MPI: variants seen among roughly 807,000 people sequenced by gnomAD.
MPI encodes the protein mannose-6-phosphate isomerase.
Under a neutral mutation model 40.1 loss-of-function variants are expected in MPI, and 33 were observed. The ratio of observed to expected loss-of-function variants is 0.82; its 90% CI spans 0.62 to 1.10. MPI has a LOEUF of 1.10. Among genes scored for constraint, MPI ranks in the 50% least tolerant of loss-of-function variants. The pLI is 0.00. For synonymous variants in MPI, 187 were observed against 207.4 expected (o/e 0.90, Z 0.85); for missense variants, 514 against 524.1 (o/e 0.98, Z 0.19).
intron 7 of MPI, 69 bp from the exon 8 acceptor site, chr15:74,897,443 T>C: frequency 6.6e-7 from 1 of 1,514,844 alleles, no homozygotes; most frequent in Non-Finnish European, 9.1e-7. Context: ...CCCTGGGGAC[T>C]GTCCTGGGCC....
intron 5 of MPI, among the ~76,000 whole-genome samples, chr15:74,894,304 G>A (rs1434145323): frequency 6.6e-6 from 1 of 151,608 alleles, no homozygotes; most frequent in South Asian, 2.1e-4. Context: ...GGCGGGTCTC[G>A]AACTCCTGAG....
rs2064981105 is a variant in MPI, at chr15:74,902,050, T to C, written c.*4320T>C. The C allele has an allele frequency of 5.0e-6, 2 of 398,576 alleles. No individual in the cohort carries two copies. The highest frequency in any genetic ancestry group is 8.8e-6 in the Non-Finnish European group (2 of 226,020). 24.7% of individuals were successfully genotyped at this position (398,576 alleles called of 1,614,324 possible). A position where few individuals can be genotyped will look rare whatever the true frequency, so the allele number is the denominator to read the frequency against. Reference sequence around the variant, plus strand: ...AACCTGCTATGATCCCTGTCATAGTTAGACAGGTGCAACCTGAAGAGGGAC... The same window carrying C: ...AACCTGCTATGATCCCTGTCATAGTCAGACAGGTGCAACCTGAAGAGGGAC... On this transcript the variant is annotated 3_prime_UTR_variant, in exon 8 of 8. Coordinates refer to ENST00000352410, the MANE Select transcript of MPI (RefSeq NM_002435.3).
rs1295540214 is a variant in MPI, at chr15:74,900,662, A to G, written c.*2932A>G. The G allele has an allele frequency of 6.6e-6, 1 of 152,174 alleles. No individual in the cohort carries two copies. The highest frequency in any genetic ancestry group is 2.4e-5 in the African/African-American group (1 of 41,406). 9.4% of individuals were successfully genotyped at this position (152,174 alleles called of 1,614,324 possible). The stretch of plus-strand genomic sequence containing the variant: ...GATGGGGAAGGGGTTCTGGATGGAG[A>G]TGTTCTTGAGCTCTACAAGCATTTG... On this transcript the variant is annotated 3_prime_UTR_variant, in exon 8 of 8. Transcript: ENST00000352410.
Position 74,893,336 on chromosome 15 carries a change from T to C in MPI, c.670+16T>C, listed in dbSNP as rs1369062950. ...TCCCAGCAAGGTGGACACAGTTATA[T>C]TCCTGGTTGGGTGCAATGCTCTGGC... On this transcript the variant is annotated intron_variant, in intron 5 of 7. Coordinates refer to ENST00000352410, the MANE Select transcript of MPI (RefSeq NM_002435.3). The C allele has an allele frequency of 1.9e-6, 3 of 1,613,910 alleles. No homozygotes were observed. The highest frequency in any genetic ancestry group is 1.7e-6 in the Non-Finnish European group (2 of 1,179,858).
chr15:74,892,058 G>A (rs933347179), intron 3 of MPI, among the ~76,000 whole-genome samples: 39 of 151,560 alleles, frequency 2.6e-4, no homozygotes, highest in African/African-American at 8.3e-4. Flanking sequence ...GCAGTGGCGC[G>A]ATCTCGGCTC....
intron 1 of MPI, 129 bp from the exon 2 acceptor site, chr15:74,890,398 T>C: frequency 7.9e-7 from 1 of 1,259,014 alleles, no homozygotes; most frequent in Non-Finnish European, 1.1e-6. Context: ...GGGGGTCTCA[T>C]CCAACAGCCT....
In MPI at chr15:74,902,070, A is replaced by C; in HGVS notation, c.*4340A>C. The stretch of plus-strand genomic sequence containing the variant: ...ATAGTTAGACAGGTGCAACCTGAAG[A>C]GGGACAAAAGGACTCACTTTATGCT... On this transcript the variant is annotated 3_prime_UTR_variant, in exon 8 of 8. Coordinates refer to ENST00000352410, the MANE Select transcript of MPI (RefSeq NM_002435.3). 2.5e-6 allele frequency: 1 copy of C among 398,654 alleles called. No individual in the cohort carries two copies. The highest frequency in any genetic ancestry group is 4.4e-6 in the Non-Finnish European group (1 of 226,062). The allele number at this position is 398,654 out of a possible 1,614,324, so 24.7% of individuals were successfully genotyped here. A position where few individuals can be genotyped will look rare whatever the true frequency, so the allele number is the denominator to read the frequency against.
chr15:74,891,317 C>T, intron 2 of MPI, 62 bp from the exon 3 acceptor site: 2 of 1,513,386 alleles, frequency 1.3e-6, no homozygotes, highest in Non-Finnish European at 1.8e-6. Context: ...CGGATTGGGA[C>T]AGGCCAACTC....
At chr15:74,896,816 C>T (rs904351351) in intron 6 of MPI, 195 bp from the exon 7 acceptor site, 23 of 668,766 alleles carry the variant, frequency 3.4e-5, no homozygotes, top group Non-Finnish European at 5.4e-5. Context: ...TAACATGACT[C>T]CCCTCTGACA....
chr15:74,894,071 T>TTTTCTGAGCCAGG (rs1567267125), intron 5 of MPI, among the ~76,000 whole-genome samples: 2 of 61,598 alleles, frequency 3.2e-5, no homozygotes, highest in African/African-American at 1.1e-4. Context: ...TGTGTGTGTG[T>TTTTCTGAGCCAGG]GTGTGTGTGT....
chr15:74,895,591 A>AG (rs1214572188), intron 5 of MPI: 7 of 49,034 alleles, frequency 1.4e-4, no homozygotes, highest in Non-Finnish European at 5.7e-4. Flanking sequence ...ACCCCGTCTC[A>AG]AAAAAAAAAA....
intron 3 of MPI, 89 bp downstream of exon 3, chr15:74,891,668 C>T: frequency 7.0e-7 from 1 of 1,438,652 alleles, no homozygotes. Flanking sequence ...TTTTACCCCA[C>T]CCATGCCAGG....
In MPI at chr15:74,897,729, A is replaced by G. The variant is rs896962413; in HGVS notation, c.1271A>G (p.Ter424=). 5 of 1,613,436 alleles carry G rather than the reference A, an allele frequency of 3.1e-6. No homozygotes were observed. The African/African-American group carries it at 5.3e-5, about 17-fold the overall frequency. The change falls in exon 8 of 8, where the codon TAA becomes TGA. Residue 424 remains the stop codon, a stop_retained_variant. Transcript: ENST00000352410. ...LLIFRACCLL[*] The stretch of plus-strand genomic sequence containing the variant: ...ATATTCCGTGCCTGCTGTCTGCTGT[A>G]AAGGCTGCAGCCTCCCCAGCTCTCC...
chr15:74,893,047 G>A, intron 4 of MPI, 91 bp from the exon 5 acceptor site: 2 of 1,539,770 alleles, frequency 1.3e-6, no homozygotes, highest in Non-Finnish European at 1.8e-6. Context: ...TTTGGTTAGG[G>A]CTGGGATGGA....
Position 74,892,781 on chromosome 15 carries a change from G to C in MPI, c.466G>C (p.Glu156Gln). The C allele has an allele frequency of 1.2e-6, 2 of 1,614,280 alleles. No homozygotes were observed. The highest frequency in any genetic ancestry group is 1.7e-6 in the Non-Finnish European group (2 of 1,180,050). ...CTTGTGTGGCTTCCGGCCAGTTGAG[G>C]AGATTGTAACCTTTCTAAAGAGTAA... ...QGLCGFRPVE[E>Q]IVTFLKKVPE... Residue 156 changes from glutamate (E) to glutamine (Q), a missense_variant, in exon 4 of 8, where the codon GAG becomes CAG. Coordinates refer to ENST00000352410, the MANE Select transcript of MPI (RefSeq NM_002435.3).
In MPI at chr15:74,893,267, A is replaced by C; in HGVS notation, c.617A>C (p.Lys206Thr). The C allele has an allele frequency of 6.2e-7, 1 of 1,614,216 alleles. No homozygotes were observed. The change falls in exon 5 of 8, where the codon AAG (lysine) becomes ACG (threonine). Residue 206 changes from lysine to threonine, a missense_variant. Lys to Thr is a moderately conservative substitution (Grantham distance 78). Coordinates refer to ENST00000352410, the MANE Select transcript of MPI (RefSeq NM_002435.3). The stretch of plus-strand genomic sequence containing the variant: ...TTCTCCCACCTGATGAAGAGTGAGA[A>C]GAAGGTGGTGGTGGAACAGCTCAAC... ...SCFSHLMKSE[K>T]KVVVEQLNLL...
rs1441014433 is a variant in MPI, at chr15:74,902,176, GTTTCTTT to G, written c.*4450_*4456del. 3 of 398,620 alleles carry G rather than the reference GTTTCTTT, an allele frequency of 7.5e-6. No homozygotes were observed. Among genetic ancestry groups the G allele is most frequent in the Non-Finnish European group, 1.3e-5 (3 of 226,112 alleles). 24.7% of individuals were successfully genotyped at this position (398,620 alleles called of 1,614,324 possible). Reference sequence around the variant, plus strand: ...GAATTTCTCGAACTGGTCTCAAACAGTTTCTTTTTTGGATTGCCAGCTATAATAAACC... The same window carrying G: ...GAATTTCTCGAACTGGTCTCAAACAGTTTGGATTGCCAGCTATAATAAACC... On this transcript the variant is annotated 3_prime_UTR_variant, in exon 8 of 8. Transcript: ENST00000352410.
intron 3 of MPI, among the ~76,000 whole-genome samples, chr15:74,892,371 CAG>C (rs1209144288): frequency 6.6e-6 from 1 of 152,252 alleles, no homozygotes; most frequent in Admixed American, 6.5e-5. Flanking sequence ...TTGTTAGTGT[CAG>C]AGCTTGGTCT....
chr15:74,899,338 C>G lies in MPI; in HGVS notation c.*1608C>G, dbSNP rs1595826933. 1.3e-5 allele frequency: 2 copies of G among 152,214 alleles called. No homozygotes were observed. The highest frequency in any genetic ancestry group is 4.8e-5 in the African/African-American group (2 of 41,464). 9.4% of individuals were successfully genotyped at this position (152,214 alleles called of 1,614,324 possible). A position where few individuals can be genotyped will look rare whatever the true frequency, so the allele number is the denominator to read the frequency against. On this transcript the variant is annotated 3_prime_UTR_variant, in exon 8 of 8. Transcript: ENST00000352410. The stretch of plus-strand genomic sequence containing the variant: ...TGGGCTTCTGCCCACACTAGAGTCC[C>G]TATACAATGGAGTTCCAGGAAACCA...
Sources: allele counts gnomAD v4.1 joint callset (sites outside exome capture counted in the v4.1 genomes callset), GRCh38; gene constraint gnomAD v4.1.1; transcripts MANE v1.5; gene names NCBI Gene and HGNC (gene_info 2026-07-23, HGNC 2026-07-21).